EYS: variants seen among roughly 807,000 people sequenced by gnomAD.
The protein encoded by EYS is protein eyes shut homolog.
In EYS, 250 loss-of-function variants were observed where a neutral mutation model predicts 282.1. That is an observed-to-expected ratio of 0.89 (90% CI 0.80 to 0.98). The LOEUF (loss-of-function observed/expected upper bound fraction) is 0.98. Ranked by LOEUF, EYS falls within the 50% of genes least tolerant of loss-of-function variation. The pLI, the probability that EYS is intolerant of heterozygous loss-of-function variation, is 0.00. For missense variants in EYS, 4,016 were observed against 3,709.0 expected (o/e 1.08, Z -2.15); for synonymous variants, 1,355 against 1,282.9 (o/e 1.06, Z -1.20).
chr6:63,965,247 G>A (rs191841521), intron 35 of EYS, among the ~76,000 whole-genome samples: 49 of 152,142 alleles, frequency 3.2e-4, no homozygotes, highest in Admixed American at 2.5e-3. Flanking sequence ...AGATACTATC[G>A]ATAAGCTTTG....
chr6:64,944,929 T>TA (rs893155917), intron 15 of EYS, among the ~76,000 whole-genome samples: 1 of 152,042 alleles, frequency 6.6e-6, no homozygotes, highest in African/African-American at 2.4e-5. Context: ...CCCTTGAACT[T>TA]AATTATGACA....
intron 13 of EYS, among the ~76,000 whole-genome samples, chr6:65,012,374 G>A (rs1265061938): frequency 1.3e-5 from 2 of 152,142 alleles, no homozygotes; most frequent in Non-Finnish European, 2.9e-5. Context: ...TATTTGGAAA[G>A]TACTTAAAAA....
chr6:65,214,772 A>G (rs1458863737), intron 12 of EYS, among the ~76,000 whole-genome samples: 2 of 152,238 alleles, frequency 1.3e-5, no homozygotes, highest in South Asian at 2.1e-4. Flanking sequence ...TTAGAGGCCA[A>G]TGCAGCTGAT....
intron 29 of EYS, among the ~76,000 whole-genome samples, chr6:64,330,187 G>T (rs1182334292): frequency 6.6e-6 from 1 of 152,188 alleles, no homozygotes; most frequent in African/African-American, 2.4e-5. Flanking sequence ...GCTATAAGGT[G>T]TCTAAGGAAA....
At chr6:64,841,311 A>T (rs550665440) in intron 19 of EYS, among the ~76,000 whole-genome samples, 4 of 152,278 alleles carry the variant, frequency 2.6e-5, no homozygotes, top group African/African-American at 9.6e-5. Flanking sequence ...ATGTAATTAC[A>T]ATAAATGTTA....
rs1263036860 is a variant in EYS, at chr6:63,741,929, C to G, written c.8072-15249G>C. Reference sequence around the variant, plus strand: ...GGTCCTTACCCTCCTTCTTCACTTTCCGTTCTGCTGGTTTTGGCTTTTCCA... The same window carrying G: ...GGTCCTTACCCTCCTTCTTCACTTTGCGTTCTGCTGGTTTTGGCTTTTCCA... On this transcript the variant is annotated intron_variant, in intron 41 of 42. Coordinates refer to ENST00000503581, the MANE Select transcript of EYS (RefSeq NM_001142800.2). The G allele has an allele frequency of 2.4e-5, 17 of 702,298 alleles. 1 individual carries two copies. Among genetic ancestry groups the G allele is most frequent in the Non-Finnish European group, 4.2e-5 (16 of 384,882 alleles). The allele number at this position is 702,298 out of a possible 1,614,324, so 43.5% of individuals were successfully genotyped here.
chr6:64,422,498 C>G (rs1204131758), intron 28 of EYS, among the ~76,000 whole-genome samples: 1 of 152,140 alleles, frequency 6.6e-6, no homozygotes, highest in African/African-American at 2.4e-5. Flanking sequence ...CCTTATGGTA[C>G]TTGGTCAATT....
chr6:63,952,523 G>A (rs1185178181), intron 35 of EYS, among the ~76,000 whole-genome samples: 1 of 152,036 alleles, frequency 6.6e-6, no homozygotes, highest in Non-Finnish European at 1.5e-5. Flanking sequence ...ACTGTTGTAG[G>A]TATTGATGGC....
At chr6:64,925,537 T>G (rs1272500769) in intron 15 of EYS, among the ~76,000 whole-genome samples, 1 of 152,138 alleles carries the variant, frequency 6.6e-6, no homozygotes, top group East Asian at 1.9e-4. Flanking sequence ...GCAGAGGTCA[T>G]ATGAGGCTAC....
chr6:65,068,286 C>G (rs1331229071), intron 12 of EYS, among the ~76,000 whole-genome samples: 1 of 152,032 alleles, frequency 6.6e-6, no homozygotes, highest in African/African-American at 2.4e-5. Context: ...ATCAGTCACA[C>G]CCTCCCATGG....
chr6:64,227,015 G>C (rs1766270477), intron 31 of EYS, among the ~76,000 whole-genome samples: 1 of 151,970 alleles, frequency 6.6e-6, no homozygotes, highest in Admixed American at 6.6e-5. Context: ...GAAGTAAAAA[G>C]GAATGAGGCT....
intron 33 of EYS, among the ~76,000 whole-genome samples, chr6:64,016,362 T>C (rs1420518647): frequency 2.0e-5 from 3 of 152,144 alleles, no homozygotes; most frequent in Non-Finnish European, 4.4e-5. Context: ...GGTGAGGAAA[T>C]TGAGGCACCT....
chr6:64,044,235 A>G (rs1360805456), intron 33 of EYS, among the ~76,000 whole-genome samples: 1 of 152,254 alleles, frequency 6.6e-6, no homozygotes, highest in East Asian at 1.9e-4. Context: ...TGCAGGTCCT[A>G]CATTGAATGG....
At chr6:63,937,848 C>T (rs1765119411) in intron 35 of EYS, among the ~76,000 whole-genome samples, 1 of 152,196 alleles carries the variant, frequency 6.6e-6, no homozygotes, top group Non-Finnish European at 1.5e-5. Flanking sequence ...CTTCTCCACT[C>T]TTCTCCCTGT....
rs534440535 is a variant in EYS, at chr6:65,362,696, T to C, written c.1300-9079A>G. Among the ~76,000 whole-genome samples the C allele has an allele frequency of 6.6e-5, 10 of 152,092 alleles. No homozygotes were observed. The East Asian group carries it at 1.9e-3, about 29-fold the overall frequency. On this transcript the variant is annotated intron_variant, in intron 8 of 42. Coordinates refer to ENST00000503581, the MANE Select transcript of EYS (RefSeq NM_001142800.2). ...GATTTTCTTCTTAGGAGACAGTTTC[T>C]TCCCCTTCTTAAATATATACATTTT...
At chr6:64,680,369 G>C (rs935964561) in intron 22 of EYS, among the ~76,000 whole-genome samples, 12 of 152,114 alleles carry the variant, frequency 7.9e-5, no homozygotes, top group African/African-American at 2.9e-4. Context: ...AACAAATAAG[G>C]AAACTTTTGT....
intron 29 of EYS, among the ~76,000 whole-genome samples, chr6:64,378,141 T>C (rs886759472): frequency 1.5e-5 from 2 of 129,396 alleles, no homozygotes; most frequent in African/African-American, 2.9e-5. Flanking sequence ...TTAATGGATA[T>C]AGTGTCAAAG....
intron 9 of EYS, among the ~76,000 whole-genome samples, chr6:65,351,683 G>A (rs943264050): frequency 1.3e-5 from 2 of 151,780 alleles, no homozygotes; most frequent in Admixed American, 1.3e-4. Flanking sequence ...GGAAAATGAA[G>A]TGCAAAAACG....
intron 4 of EYS, among the ~76,000 whole-genome samples, chr6:65,492,299 AAGAGAAAGAG>A (rs1396851268): frequency 1.3e-5 from 2 of 149,114 alleles, no homozygotes; most frequent in African/African-American, 2.5e-5. Flanking sequence ...GGCTGTAAGA[AAGAGAAAGAG>A]AGAGAAAGAA....
Sources: allele counts gnomAD v4.1 joint callset (sites outside exome capture counted in the v4.1 genomes callset), GRCh38; gene constraint gnomAD v4.1.1; transcripts MANE v1.5; gene names NCBI Gene and HGNC (gene_info 2026-07-23, HGNC 2026-07-21).